The following TMEM132B variants were observed in gnomAD, a reference collection of about 807,000 sequenced individuals.
TMEM132B encodes transmembrane protein 132B.
TMEM132B carries 18 observed loss-of-function variants against 90.8 expected under a neutral mutation model. The ratio of observed to expected loss-of-function variants is 0.20; its 90% CI spans 0.14 to 0.29. The LOEUF is 0.29. Ranked by LOEUF, TMEM132B falls within the 10% of genes least tolerant of loss-of-function variation. TMEM132B has a pLI of 1.00. For missense variants in TMEM132B, 1,096 were observed against 1,326.8 expected, an observed-to-expected ratio of 0.83 and a Z score of 2.70; for synonymous variants, 504 against 523.3, an observed-to-expected ratio of 0.96 and a Z score of 0.50.
chr12:125,637,722 C>T (rs1400077176), intron 5 of TMEM132B, among the ~76,000 whole-genome samples: 1 of 152,142 alleles, frequency 6.6e-6, no homozygotes, highest in African/African-American at 2.4e-5. Flanking sequence ...GGATGACTCT[C>T]AGAATCATCA....
chr12:125,346,838 G>A (rs1877383689), intron 1 of TMEM132B, among the ~76,000 whole-genome samples: 1 of 152,202 alleles, frequency 6.6e-6, no homozygotes, highest in African/African-American at 2.4e-5. Flanking sequence ...GAAGTTATGA[G>A]GTCGTTTTCA....
chr12:125,502,846 G>C (rs1882736175), intron 3 of TMEM132B, among the ~76,000 whole-genome samples: 1 of 152,036 alleles, frequency 6.6e-6, no homozygotes, highest in Admixed American at 6.5e-5. Flanking sequence ...CAGACAAAGA[G>C]TATAAGTTTG....
intron 1 of TMEM132B, among the ~76,000 whole-genome samples, chr12:125,204,499 A>C (rs1231684705): frequency 1.5e-5 from 1 of 68,230 alleles, no homozygotes; most frequent in African/African-American, 4.4e-5. Flanking sequence ...CCTTTCAATG[A>C]AGGCTCCGTG....
At position 125,273,861 on chromosome 12, in the gene TMEM132B, AC is replaced by A. The variant is rs1874914952; in HGVS notation, c.68-75589del. On this transcript the variant is annotated intron_variant, in intron 1 of 8. Coordinates refer to ENST00000682704, the MANE Select transcript of TMEM132B (RefSeq NM_001366854.1). ...TGTATTTTTGTAGAGATGGGGTTTC[AC>A]CATGTTGGTCAGTCTGGTCTTGAAC... Among the ~76,000 whole-genome samples the A allele has an allele frequency of 2.0e-5, 3 of 152,098 alleles. No individual in the cohort carries two copies. In the South Asian group the frequency reaches 6.2e-4, roughly 32 times the overall value.
At chr12:125,379,379 G>T (rs1387096884) in intron 2 of TMEM132B, among the ~76,000 whole-genome samples, 1 of 152,190 alleles carries the variant, frequency 6.6e-6, no homozygotes, top group African/African-American at 2.4e-5. Context: ...CTTTGAAGAT[G>T]CAGGAAGGGG....
chr12:125,282,027 CAAAAAAAAAA>C (rs869083244), intron 1 of TMEM132B, among the ~76,000 whole-genome samples: 2 of 16,088 alleles, frequency 1.2e-4, no homozygotes, highest in Non-Finnish European at 1.1e-4. Context: ...GACTCCGTCT[CAAAAAAAAAA>C]AAAAAAAAAA....
intron 1 of TMEM132B, among the ~76,000 whole-genome samples, chr12:125,221,649 G>T (rs1055962626): frequency 6.6e-6 from 1 of 152,212 alleles, no homozygotes; most frequent in African/African-American, 2.4e-5. Flanking sequence ...ATGCTTGGGA[G>T]CTGGGAAGGT....
chr12:125,485,674 T>A (rs1040190954), intron 3 of TMEM132B, among the ~76,000 whole-genome samples: 1 of 152,196 alleles, frequency 6.6e-6, no homozygotes, highest in Non-Finnish European at 1.5e-5. Context: ...GAAGTTACTG[T>A]AGTTCCATCC....
intron 2 of TMEM132B, among the ~76,000 whole-genome samples, chr12:125,374,817 G>A (rs903139689): frequency 6.6e-6 from 1 of 152,092 alleles, no homozygotes; most frequent in Non-Finnish European, 1.5e-5. Context: ...AAATGAGAAA[G>A]AGTGGATATT....
At chr12:125,378,730 G>A (rs953008504) in intron 2 of TMEM132B, among the ~76,000 whole-genome samples, 3 of 152,120 alleles carry the variant, frequency 2.0e-5, no homozygotes, top group African/African-American at 4.8e-5. Flanking sequence ...GTCTTTGGAG[G>A]TGAATGTATT....
chr12:125,479,198 A>G (rs887736530), intron 3 of TMEM132B, among the ~76,000 whole-genome samples: 2 of 152,256 alleles, frequency 1.3e-5, no homozygotes, highest in Non-Finnish European at 2.9e-5. Flanking sequence ...AAGAAACTGC[A>G]TCAACTAATG....
At chr12:125,199,233 C>T (rs925331511) in intron 1 of TMEM132B, among the ~76,000 whole-genome samples, 9 of 152,124 alleles carry the variant, frequency 5.9e-5, no homozygotes, top group South Asian at 2.1e-4. Flanking sequence ...TGGGGACCCA[C>T]GCCAGTGGTT....
intron 1 of TMEM132B, among the ~76,000 whole-genome samples, chr12:125,260,792 G>A (rs1874546803): frequency 1.3e-5 from 2 of 152,174 alleles, no homozygotes; most frequent in African/African-American, 2.4e-5. Flanking sequence ...GCTCACTCCT[G>A]TAACCCCAAG....
chr12:125,381,276 C>G (rs564252931), intron 2 of TMEM132B, among the ~76,000 whole-genome samples: 1 of 152,280 alleles, frequency 6.6e-6, no homozygotes, highest in South Asian at 2.1e-4. Context: ...CATGTAGACA[C>G]AAAGCAGACT....
intron 1 of TMEM132B, among the ~76,000 whole-genome samples, chr12:125,227,272 T>G (rs1873704269): frequency 6.6e-6 from 1 of 152,220 alleles, no homozygotes; most frequent in African/African-American, 2.4e-5. Flanking sequence ...TGAGGTCTTG[T>G]GGCAGGAAGC....
intron 3 of TMEM132B, among the ~76,000 whole-genome samples, chr12:125,511,851 CAAAAAA>C (rs35364069): frequency 9.0e-6 from 1 of 111,160 alleles, no homozygotes; most frequent in African/African-American, 3.4e-5. Context: ...GACTCTATCT[CAAAAAA>C]AAAAAAAAAA....
At position 125,258,010 on chromosome 12, in the gene TMEM132B, C is replaced by T. The variant is rs146826764; in HGVS notation, c.67+71144C>T. 4.0e-3 allele frequency among the ~76,000 whole-genome samples: 604 copies of T among 152,334 alleles called. 2 individuals carry two copies. The highest frequency in any genetic ancestry group is 7.3e-3 in the Non-Finnish European group (495 of 68,034). On this transcript the variant is annotated intron_variant, in intron 1 of 8. Coordinates refer to ENST00000682704, the MANE Select transcript of TMEM132B (RefSeq NM_001366854.1). ...AAGTTCATTTCAGCACAATTTGTTA[C>T]AGCAGCTATAAGACACTGATGCTAT...
rs1459129162 is a variant in TMEM132B at position 125,625,130 on chromosome 12, C to CCTTTTT, written c.1438-18946_1438-18945insCTTTTT. Among the ~76,000 whole-genome samples, 88 of 103,892 alleles carry CCTTTTT rather than the reference C, an allele frequency of 8.5e-4. 1 individual carries two copies. The highest frequency in any genetic ancestry group is 3.4e-3 in the African/African-American group (87 of 25,590). The allele number at this position is 103,892 out of a possible 152,430, so 68.2% of individuals were successfully genotyped here. ...ATATGTAGTCTTTTGGATTTGACTT[C>CCTTTTT]TTTTTTTTTTTTTTTTTTTTGAGAC... On this transcript the variant is annotated intron_variant, in intron 5 of 8. Transcript: ENST00000682704.
intron 2 of TMEM132B, among the ~76,000 whole-genome samples, chr12:125,363,411 C>T (rs1451009676): frequency 6.6e-6 from 1 of 152,156 alleles, no homozygotes; most frequent in Non-Finnish European, 1.5e-5. Flanking sequence ...ACCTTTATGG[C>T]TTTGCATGAT....
Sources: gnomAD v4.1 joint callset for allele counts (sites outside exome capture counted in the v4.1 genomes callset) on GRCh38, gnomAD v4.1.1 for gene constraint, MANE v1.5 for transcripts, NCBI Gene and HGNC (gene_info 2026-07-23, HGNC 2026-07-21) for gene names.